APBB2: variants seen among roughly 807,000 people sequenced by gnomAD.
The protein encoded by APBB2 is amyloid beta precursor protein binding family B member 2.
A neutral mutation model predicts 82.5 loss-of-function variants in APBB2; 38 were observed. The ratio of observed to expected loss-of-function variants is 0.46; its 90% CI spans 0.36 to 0.60. The LOEUF (loss-of-function observed/expected upper bound fraction) is 0.60, where lower values mean the gene tolerates loss of function less well. Ranked by LOEUF, APBB2 falls within the 20% of genes least tolerant of loss-of-function variation. The pLI is 0.00. For missense variants in APBB2, 772 were observed against 972.3 expected (o/e 0.79, Z 2.74); for synonymous variants, 341 against 368.2 (o/e 0.93, Z 0.85).
At chr4:40,923,984 T>C (rs940765265) in intron 10 of APBB2, among the ~76,000 whole-genome samples, 8 of 152,112 alleles carry the variant, frequency 5.3e-5, no homozygotes, top group South Asian at 2.1e-4. Flanking sequence ...GGAGGCAAAA[T>C]GAGCAGCCAA....
intron 1 of APBB2, among the ~76,000 whole-genome samples, chr4:41,170,845 C>A (rs1439384779): frequency 6.6e-6 from 1 of 152,072 alleles, no homozygotes; most frequent in Non-Finnish European, 1.5e-5. Context: ...ACTGTTTTTG[C>A]TACTTTTTCA....
intron 1 of APBB2, among the ~76,000 whole-genome samples, chr4:41,205,713 A>C (rs1777764850): frequency 6.6e-6 from 1 of 152,232 alleles, no homozygotes; most frequent in South Asian, 2.1e-4. Context: ...AAAACTAAAA[A>C]TAAAAATACT....
At chr4:41,096,943 C>T (rs960719753) in intron 3 of APBB2, among the ~76,000 whole-genome samples, 13 of 152,212 alleles carry the variant, frequency 8.5e-5, no homozygotes, top group African/African-American at 2.9e-4. Flanking sequence ...AGTTGCTCAA[C>T]AAATGTTCGC....
chr4:41,088,711 G>A (rs1282494026), intron 3 of APBB2, among the ~76,000 whole-genome samples: 1 of 152,200 alleles, frequency 6.6e-6, no homozygotes, highest in African/African-American at 2.4e-5. Flanking sequence ...AGGGCCCAGT[G>A]AGGAATGGGT....
intron 7 of APBB2, among the ~76,000 whole-genome samples, chr4:40,936,409 C>T (rs1487963897): frequency 6.6e-6 from 1 of 152,182 alleles, no homozygotes; most frequent in Non-Finnish European, 1.5e-5. Flanking sequence ...CATGCTACTA[C>T]ACCTGGCTAA....
Position 41,086,352 on chromosome 4 carries a change from C to T in APBB2, c.-149+14287G>A, listed in dbSNP as rs111717110. Among the ~76,000 whole-genome samples the T allele has an allele frequency of 2.7e-3, 407 of 152,218 alleles. 1 individual carries two copies. Among genetic ancestry groups the T allele is most frequent in the African/African-American group, 9.3e-3 (385 of 41,560 alleles). ...CCCTGATACCAAAGAAAAACAATTA[C>T]GCTTTAAAAATAAGAAAACTACAAG... On this transcript the variant is annotated intron_variant, in intron 3 of 17. Coordinates refer to ENST00000508593, the MANE Select transcript of APBB2 (RefSeq NM_004307.2).
intron 2 of APBB2, among the ~76,000 whole-genome samples, chr4:41,139,080 A>T (rs1758384190): frequency 6.6e-6 from 1 of 152,164 alleles, no homozygotes; most frequent in East Asian, 1.9e-4. Context: ...TATTAAAGAA[A>T]ACTGAAAGAA....
At chr4:40,994,419 A>G (rs1272745237) in intron 6 of APBB2, among the ~76,000 whole-genome samples, 1 of 152,228 alleles carries the variant, frequency 6.6e-6, no homozygotes, top group African/African-American at 2.4e-5. Flanking sequence ...AAAGTATGAT[A>G]GTTGAATCAG....
intron 1 of APBB2, among the ~76,000 whole-genome samples, chr4:41,157,237 C>T (rs911587430): frequency 3.9e-5 from 6 of 152,116 alleles, no homozygotes; most frequent in Non-Finnish European, 7.4e-5. Flanking sequence ...TTTTCTGGTG[C>T]AGGCAGGTCA....
At chr4:41,105,613 A>C (rs919673323) in intron 2 of APBB2, among the ~76,000 whole-genome samples, 1 of 152,202 alleles carries the variant, frequency 6.6e-6, no homozygotes, top group African/African-American at 2.4e-5. Flanking sequence ...GGCCAGGCGC[A>C]GTGGCTCACG....
At chr4:40,831,411 CA>C (rs67741152) in intron 12 of APBB2, among the ~76,000 whole-genome samples, 28,047 of 142,868 alleles carry the variant, frequency 0.2, 2,750 homozygotes, top group African/African-American at 0.26. Context: ...TGAAAAAAAA[CA>C]AAAAAAAAAC....
At chr4:40,992,856 C>T (rs141736644) in intron 6 of APBB2, among the ~76,000 whole-genome samples, 5 of 152,232 alleles carry the variant, frequency 3.3e-5, no homozygotes, top group African/African-American at 9.6e-5. Flanking sequence ...GGAGATAGGC[C>T]GGCCTGCCAT....
intron 6 of APBB2, among the ~76,000 whole-genome samples, chr4:40,982,305 GGAAAGAAAGAAA>G (rs369528238): frequency 2.7e-4 from 4 of 14,850 alleles, no homozygotes; most frequent in Non-Finnish European, 6.4e-4. Context: ...AAGGAAGGAA[GGAAAGAAAGAAA>G]GAAAGAAAAG....
chr4:41,041,831 CA>C (rs1464180235), intron 4 of APBB2, among the ~76,000 whole-genome samples: 2 of 152,108 alleles, frequency 1.3e-5, no homozygotes, highest in Non-Finnish European at 2.9e-5. Context: ...AAATGTATCC[CA>C]GGGGAAAACA....
At chr4:41,149,234 A>T (rs1487977403) in intron 1 of APBB2, among the ~76,000 whole-genome samples, 1 of 152,138 alleles carries the variant, frequency 6.6e-6, no homozygotes, top group Non-Finnish European at 1.5e-5. Flanking sequence ...TACCACGGGG[A>T]ATATCAATTA....
chr4:40,938,205 G>C (rs1424292434), intron 7 of APBB2, among the ~76,000 whole-genome samples: 1 of 152,234 alleles, frequency 6.6e-6, no homozygotes, highest in East Asian at 1.9e-4. Context: ...CACAGTCATA[G>C]CTGGGACACC....
At chr4:40,967,879 A>G (rs1795044603) in intron 6 of APBB2, among the ~76,000 whole-genome samples, 1 of 152,214 alleles carries the variant, frequency 6.6e-6, no homozygotes, top group Non-Finnish European at 1.5e-5. Context: ...TGCCTGGGAC[A>G]TAATGGTTAG....
At chr4:40,830,325 G>A (rs550635291) in intron 13 of APBB2, 138 bp downstream of exon 13, 4 of 631,590 alleles carry the variant, frequency 6.3e-6, no homozygotes, top group Non-Finnish European at 1.1e-5. Flanking sequence ...ATACTTTAAT[G>A]ACTCTGGCTG....
rs556697966 is a variant in APBB2, at chr4:41,060,730, G to A, written c.-51+4846C>T. Reference sequence around the variant, plus strand: ...AACCAGGAAAACTCCCTGGGAAAGAGAACGACTCTGCTGCACCCCATGGCA... The same window carrying A: ...AACCAGGAAAACTCCCTGGGAAAGAAAACGACTCTGCTGCACCCCATGGCA... On this transcript the variant is annotated intron_variant, in intron 4 of 17. Coordinates refer to ENST00000508593, the MANE Select transcript of APBB2 (RefSeq NM_004307.2). Among the ~76,000 whole-genome samples the A allele has an allele frequency of 4.0e-5, 6 of 151,570 alleles. No individual in the cohort carries two copies. In the South Asian group the frequency reaches 1.3e-3, roughly 33 times the overall value.
Sources: allele counts gnomAD v4.1 joint callset (sites outside exome capture counted in the v4.1 genomes callset), GRCh38; gene constraint gnomAD v4.1.1; transcripts MANE v1.5; gene names NCBI Gene and HGNC (gene_info 2026-07-23, HGNC 2026-07-21).